The following SHISA6 variants were observed in gnomAD, a reference collection of about 807,000 sequenced individuals.
SHISA6 encodes protein shisa-6.
In SHISA6, 22 loss-of-function variants were observed where a neutral mutation model predicts 47.9. That is an observed-to-expected ratio of 0.46 (90% confidence interval 0.33 to 0.66). The LOEUF is 0.66. SHISA6 is among the 30% of genes least tolerant of loss of function. The pLI is 0.02. For missense variants in SHISA6, 680 were observed against 764.6 expected (o/e 0.89, Z 1.30); for synonymous variants, 388 against 337.8 (o/e 1.15, Z -1.63).
chr17:11,291,144 T>A (rs1442116354), intron 2 of SHISA6, among the ~76,000 whole-genome samples: 4 of 152,064 alleles, frequency 2.6e-5, no homozygotes, highest in Non-Finnish European at 2.9e-5. Flanking sequence ...AGCAGATATC[T>A]GCCCTTAGGG....
At chr17:11,532,489 G>A (rs1233924616) in intron 3 of SHISA6, among the ~76,000 whole-genome samples, 2 of 152,168 alleles carry the variant, frequency 1.3e-5, no homozygotes, top group East Asian at 1.9e-4. Context: ...GCGCGCGTGT[G>A]TGTGTGTGCG....
intron 2 of SHISA6, among the ~76,000 whole-genome samples, chr17:11,329,931 GTCTC>G (rs1471159895): frequency 6.6e-6 from 1 of 150,408 alleles, no homozygotes; most frequent in Non-Finnish European, 1.5e-5. Flanking sequence ...TCTCCCTCCT[GTCTC>G]TCTATTTGCC....
chr17:11,493,918 T>TG (rs150350715), intron 3 of SHISA6, among the ~76,000 whole-genome samples: 2,203 of 152,166 alleles, frequency 0.014, 30 homozygotes, highest in Middle Eastern at 0.034. Context: ...CCTTCTATTT[T>TG]TTTTTTGACT....
intron 2 of SHISA6, among the ~76,000 whole-genome samples, chr17:11,335,886 C>T (rs949363675): frequency 6.6e-5 from 10 of 152,128 alleles, no homozygotes; most frequent in South Asian, 2.1e-4. Context: ...ATGACATATG[C>T]GAGTTATGCC....
intron 3 of SHISA6, among the ~76,000 whole-genome samples, chr17:11,452,341 G>A (rs1017744501): frequency 1.3e-5 from 2 of 152,162 alleles, no homozygotes; most frequent in African/African-American, 4.8e-5. Context: ...TCCCCCATGT[G>A]CTCACATCCC....
chr17:11,556,666 A>G (rs1760453259), intron 5 of SHISA6, among the ~76,000 whole-genome samples: 1 of 152,038 alleles, frequency 6.6e-6, no homozygotes, highest in Non-Finnish European at 1.5e-5. Flanking sequence ...AGCCACCTCC[A>G]TGGTGAAACG....
chr17:11,331,333 T>C (rs1911103691), intron 2 of SHISA6, among the ~76,000 whole-genome samples: 1 of 152,180 alleles, frequency 6.6e-6, no homozygotes, highest in Admixed American at 6.5e-5. Context: ...ACCTGCTTCC[T>C]CTCAGTGGGA....
chr17:11,273,598 A>C (rs950974248), intron 2 of SHISA6, among the ~76,000 whole-genome samples: 20 of 152,242 alleles, frequency 1.3e-4, no homozygotes, highest in African/African-American at 4.8e-4. Context: ...TAATAGAAAC[A>C]GTAGCTGGGA....
intron 2 of SHISA6, among the ~76,000 whole-genome samples, chr17:11,353,588 T>G (rs536469951): frequency 4.6e-5 from 7 of 152,024 alleles, no homozygotes; most frequent in Non-Finnish European, 1.0e-4. Flanking sequence ...ATGCATAAAT[T>G]GAGCCCAGTG....
chr17:11,560,839 A>T lies in SHISA6; in HGVS notation c.*2535A>T, dbSNP rs2072035983. ...GCTCTGATGTCAGTTGGGTTGGAAAATTCTACTGCAATGCTTACTTCTTTT... is the reference window on the plus strand; with the variant it reads ...GCTCTGATGTCAGTTGGGTTGGAAATTTCTACTGCAATGCTTACTTCTTTT... On this transcript the variant is annotated 3_prime_UTR_variant, in exon 6 of 6. Coordinates refer to ENST00000441885, the MANE Select transcript of SHISA6 (RefSeq NM_207386.4). The T allele has an allele frequency of 6.8e-6, 1 of 146,204 alleles. No homozygotes were observed. The highest frequency in any genetic ancestry group is 1.5e-5 in the Non-Finnish European group (1 of 66,210). 9.1% of individuals were successfully genotyped at this position (146,204 alleles called of 1,614,324 possible).
At chr17:11,471,040 T>C (rs548847486) in intron 3 of SHISA6, among the ~76,000 whole-genome samples, 2 of 152,054 alleles carry the variant, frequency 1.3e-5, no homozygotes, top group Non-Finnish European at 2.9e-5. Flanking sequence ...CAAAACCCTG[T>C]CTCTACTAAA....
chr17:11,288,388 TTA>T (rs1436520936), intron 2 of SHISA6: 11 of 152,182 alleles, frequency 7.2e-5, no homozygotes, highest in African/African-American at 2.4e-4. Flanking sequence ...AGCAGGTATT[TTA>T]TATAGCATTT....
chr17:11,547,364 T>C (rs2071891756), intron 3 of SHISA6, among the ~76,000 whole-genome samples: 1 of 152,214 alleles, frequency 6.6e-6, no homozygotes, highest in Admixed American at 6.5e-5. Flanking sequence ...TTGTACAGGC[T>C]CTGCTCTCTG....
At chr17:11,381,709 A>C (rs965778922) in intron 3 of SHISA6, among the ~76,000 whole-genome samples, 3 of 152,208 alleles carry the variant, frequency 2.0e-5, no homozygotes, top group African/African-American at 4.8e-5. Flanking sequence ...GGTGATTCCC[A>C]ATCCCTGTCT....
intron 2 of SHISA6, among the ~76,000 whole-genome samples, chr17:11,339,212 C>A (rs960115286): frequency 6.6e-6 from 1 of 150,928 alleles, no homozygotes; most frequent in Non-Finnish European, 1.5e-5. Flanking sequence ...TTGCCCCTGG[C>A]CTGTTATATG....
chr17:11,242,434 C>CA (rs1363405108), intron 1 of SHISA6, among the ~76,000 whole-genome samples: 5 of 152,286 alleles, frequency 3.3e-5, no homozygotes, highest in Non-Finnish European at 7.4e-5. Context: ...TGAGTCAAAT[C>CA]AGAGTGTCAT....
chr17:11,291,226 T>TG (rs1567562557), intron 2 of SHISA6, among the ~76,000 whole-genome samples: 16 of 151,862 alleles, frequency 1.1e-4, no homozygotes, highest in Admixed American at 2.0e-4. Flanking sequence ...CCCATGCATA[T>TG]AATTAAAATA....
At chr17:11,374,465 AT>A (rs58916111) in intron 2 of SHISA6, among the ~76,000 whole-genome samples, 14,360 of 150,246 alleles carry the variant, frequency 0.096, 1,462 homozygotes, top group African/African-American at 0.25. Context: ...TTAGTGTGTG[AT>A]TTTTTTTTGT....
chr17:11,269,463 G>A (rs1908560359), intron 2 of SHISA6, among the ~76,000 whole-genome samples: 1 of 152,186 alleles, frequency 6.6e-6, no homozygotes, highest in African/African-American at 2.4e-5. Flanking sequence ...CAGAGGGACT[G>A]TTACCCAGGG....
Sources: gnomAD v4.1 joint callset for allele counts (sites outside exome capture counted in the v4.1 genomes callset) on GRCh38, gnomAD v4.1.1 for gene constraint, MANE v1.5 for transcripts, NCBI Gene and HGNC (gene_info 2026-07-23, HGNC 2026-07-21) for gene names.